XKR9: variants seen among roughly 807,000 people sequenced by gnomAD.
XKR9 encodes the protein XK related 9.
XKR9 carries 32 observed loss-of-function variants against 32.0 expected under a neutral mutation model. That is an observed-to-expected ratio of 1.00 (90% confidence interval 0.76 to 1.34). The LOEUF is 1.34. Among genes scored for constraint, XKR9 ranks in the 40% most tolerant of loss-of-function variants. The pLI, the probability that XKR9 is intolerant of heterozygous loss-of-function variation, is 0.00. For missense variants in XKR9, 546 were observed against 429.7 expected (o/e 1.27, Z -2.39); for synonymous variants, 168 against 143.4 (o/e 1.17, Z -1.22).
At chr8:70,763,282 A>C (rs1807331770) in intron 2 of XKR9, among the ~76,000 whole-genome samples, 1 of 152,198 alleles carries the variant, frequency 6.6e-6, no homozygotes, top group African/African-American at 2.4e-5. Flanking sequence ...TTGAAAAAAT[A>C]TCGTGAGGCA....
At chr8:70,902,462 C>G in the XKR9 span, among the ~76,000 whole-genome samples, 2 of 151,958 alleles carry the variant, frequency 1.3e-5, no homozygotes, top group South Asian at 2.1e-4. Context: ...TTTGTCTGTT[C>G]TTGGTGTATA....
At chr8:70,856,688 C>A in the XKR9 span, among the ~76,000 whole-genome samples, 1 of 152,120 alleles carries the variant, frequency 6.6e-6, no homozygotes, top group Admixed American at 6.6e-5. Context: ...CAGCACCACA[C>A]CACAACTATT....
At position 70,754,352 on chromosome 8, in the gene XKR9, T is replaced by C. The variant is rs1023620942; in HGVS notation, n.353-34987T>C. ...TGGCCATACTGCCCAAGGTAATTTA[T>C]AGATTCAATGCCATCCCCATCAAGC... On this transcript the variant is annotated intron_variant and non_coding_transcript_variant, in intron 2 of 3. Coordinates refer to the XKR9 transcript ENST00000520273. Among the ~76,000 whole-genome samples the C allele has an allele frequency of 8.0e-4, 112 of 139,994 alleles. 8 individuals are homozygous for C. Among genetic ancestry groups the C allele is most frequent in the African/African-American group, 1.2e-3 (47 of 40,584 alleles). 91.8% of individuals were successfully genotyped at this position (139,994 alleles called of 152,430 possible). A position where few individuals can be genotyped will look rare whatever the true frequency, so the allele number is the denominator to read the frequency against.
chr8:70,718,183 A>G (rs1173850634), intron 4 of XKR9, among the ~76,000 whole-genome samples: 4 of 152,114 alleles, frequency 2.6e-5, no homozygotes, highest in African/African-American at 4.8e-5. Flanking sequence ...ACATTTTCCT[A>G]TCTTCTTCAG....
At chr8:70,856,987 A>G in the XKR9 span, among the ~76,000 whole-genome samples, 167 of 152,314 alleles carry the variant, frequency 1.1e-3, 2 homozygotes, top group African/African-American at 3.9e-3. Flanking sequence ...TGTAGAGGGA[A>G]ATTTAAAGCA....
the XKR9 span, among the ~76,000 whole-genome samples, chr8:70,891,486 A>G: frequency 6.6e-6 from 1 of 151,530 alleles, no homozygotes; most frequent in Non-Finnish European, 1.5e-5. Flanking sequence ...GGTGTGTTGT[A>G]TTTCTTTTTT....
At chr8:70,738,681 G>T (rs925490384), downstream of XKR9, among the ~76,000 whole-genome samples, 4 of 151,656 alleles carry the variant, frequency 2.6e-5, no homozygotes, top group African/African-American at 7.3e-5. Context: ...CTTTGTTCTC[G>T]TTGGTTTCAA....
At chr8:70,775,662 T>C (rs765511704) in intron 2 of XKR9, among the ~76,000 whole-genome samples, 1 of 152,184 alleles carries the variant, frequency 6.6e-6, no homozygotes, top group Non-Finnish European at 1.5e-5. Context: ...ACATGATGTA[T>C]TATACCTTTT....
chr8:70,846,235 T>C, the XKR9 span, among the ~76,000 whole-genome samples: 1 of 152,086 alleles, frequency 6.6e-6, no homozygotes, highest in Non-Finnish European at 1.5e-5. Context: ...CGAAAGAAAG[T>C]CTTTTCTAGA....
At chr8:70,908,283 A>G in the XKR9 span, among the ~76,000 whole-genome samples, 1 of 152,328 alleles carries the variant, frequency 6.6e-6, no homozygotes, top group Admixed American at 6.5e-5. Flanking sequence ...ATATTTTATA[A>G]TTACAACTAT....
At chr8:70,987,005 A>G in the XKR9 span, among the ~76,000 whole-genome samples, 1 of 152,202 alleles carries the variant, frequency 6.6e-6, no homozygotes, top group Admixed American at 6.5e-5. Flanking sequence ...ACCCCTGATA[A>G]AACCACCAAA....
intron 2 of XKR9, among the ~76,000 whole-genome samples, chr8:70,749,503 G>GGTCCA (rs1296605257): frequency 7.2e-5 from 11 of 152,202 alleles, no homozygotes; most frequent in African/African-American, 2.7e-4. Flanking sequence ...TGGTACATTT[G>GGTCCA]GTCCAGCCAC....
chr8:71,045,597 G>A, the XKR9 span, among the ~76,000 whole-genome samples: 1 of 152,254 alleles, frequency 6.6e-6, no homozygotes, highest in East Asian at 1.9e-4. Context: ...AGGATGGGAG[G>A]CAACAGGGCC....
At chr8:70,960,249 CA>C in the XKR9 span, among the ~76,000 whole-genome samples, 48,556 of 139,924 alleles carry the variant, frequency 0.35, 8,948 homozygotes, top group Middle Eastern at 0.47. Flanking sequence ...CCGTCCCCCC[CA>C]AAAAAAAAAA....
the XKR9 span, among the ~76,000 whole-genome samples, chr8:71,033,811 G>T: frequency 6.6e-6 from 1 of 152,126 alleles, no homozygotes; most frequent in Non-Finnish European, 1.5e-5. Context: ...AGATGCAGCT[G>T]CCCAATTTTG....
chr8:70,757,014 CCTCCTA>C (rs1427065624), intron 2 of XKR9, among the ~76,000 whole-genome samples: 1 of 152,174 alleles, frequency 6.6e-6, no homozygotes, highest in Non-Finnish European at 1.5e-5. Context: ...GAGGAAATTT[CCTCCTA>C]CTCCTATTTA....
intron 2 of XKR9, among the ~76,000 whole-genome samples, chr8:70,756,618 G>A (rs1395989455): frequency 6.6e-6 from 1 of 152,096 alleles, no homozygotes; most frequent in African/African-American, 2.4e-5. Context: ...CCTTTTTGAT[G>A]CTACTGTGAA....
chr8:70,689,044 A>G lies in XKR9; in HGVS notation c.272+7714A>G, dbSNP rs79288738. ...AATAAACAAAAGCAAAAATCCCAAC[A>G]CACAGAACAAAAGCATAACAAAGAA... is the stretch of plus-strand genomic sequence containing the variant. On this transcript the variant is annotated intron_variant, in intron 3 of 4. Coordinates refer to ENST00000408926, the MANE Select transcript of XKR9 (RefSeq NM_001011720.2). Among the ~76,000 whole-genome samples the G allele has an allele frequency of 7.8e-3, 1,181 of 152,312 alleles. 7 individuals are homozygous for G. Among genetic ancestry groups the G allele is most frequent in the Non-Finnish European group, 0.014 (957 of 68,022 alleles).
rs1476981982 is a variant in XKR9 at position 70,669,419 on chromosome 8, C to A, written c.-480C>A. On this transcript the variant is annotated 5_prime_UTR_variant, in exon 1 of 5. The change creates a new upstream start codon in the 5' untranslated region. Coordinates refer to ENST00000408926, the MANE Select transcript of XKR9 (RefSeq NM_001011720.2). Reference sequence around the variant, plus strand: ...AGGCGTGAGGTGGCGTGAGGCGAAGCTGGAATCTGCCTCTGTCACGGGGGC... The same window carrying A: ...AGGCGTGAGGTGGCGTGAGGCGAAGATGGAATCTGCCTCTGTCACGGGGGC... 1 of 379,016 alleles carries A rather than the reference C, an allele frequency of 2.6e-6. No homozygotes were observed. The highest frequency in any genetic ancestry group is 4.8e-6 in the Non-Finnish European group (1 of 206,798). The allele number at this position is 379,016 out of a possible 1,614,324, so 23.5% of individuals were successfully genotyped here.
Sources: gnomAD v4.1 joint callset for allele counts (sites outside exome capture counted in the v4.1 genomes callset) on GRCh38, gnomAD v4.1.1 for gene constraint, MANE v1.5 for transcripts, NCBI Gene and HGNC (gene_info 2026-07-23, HGNC 2026-07-21) for gene names.